AGBL4: variants seen among roughly 807,000 people sequenced by gnomAD.
AGBL4 encodes the protein cytosolic carboxypeptidase 6.
Under a neutral mutation model 66.4 loss-of-function variants are expected in AGBL4, and 58 were observed. The observed-to-expected ratio is 0.87, with a 90% CI of 0.71 to 1.09. The LOEUF (loss-of-function observed/expected upper bound fraction) is 1.09. Ranked by LOEUF, AGBL4 falls within the 50% of genes least tolerant of loss-of-function variation. The probability of loss-of-function intolerance (pLI) is 0.00; values close to 1 mark genes in which losing one functional copy is unlikely to be tolerated. For missense variants in AGBL4, 579 were observed against 631.0 expected, an observed-to-expected ratio of 0.92 and a Z score of 0.88; for synonymous variants, 234 against 222.9, an observed-to-expected ratio of 1.05 and a Z score of -0.44.
At chr1:49,631,460 T>C (rs749505018) in intron 3 of AGBL4, among the ~76,000 whole-genome samples, 3 of 152,134 alleles carry the variant, frequency 2.0e-5, no homozygotes, top group African/African-American at 4.8e-5. Context: ...CTTGTAGACA[T>C]GTTTTTCTCC....
chr1:49,220,729 A>G (rs1325176623), intron 4 of AGBL4, among the ~76,000 whole-genome samples: 2 of 152,054 alleles, frequency 1.3e-5, no homozygotes, highest in African/African-American at 2.4e-5. Context: ...CCACAAAGAT[A>G]TAGGTTTGCA....
intron 6 of AGBL4, among the ~76,000 whole-genome samples, chr1:48,722,654 A>G (rs1647170709): frequency 6.6e-6 from 1 of 152,226 alleles, no homozygotes; most frequent in African/African-American, 2.4e-5. Flanking sequence ...AAAAGAGAGA[A>G]TAGAGGACTG....
chr1:49,034,206 G>A (rs1012609591), intron 5 of AGBL4, among the ~76,000 whole-genome samples: 1 of 152,070 alleles, frequency 6.6e-6, no homozygotes, highest in African/African-American at 2.4e-5. Context: ...TGGACAAGAT[G>A]GAGAAATGGG....
chr1:49,230,091 C>T (rs980311539), intron 4 of AGBL4, among the ~76,000 whole-genome samples: 24 of 152,178 alleles, frequency 1.6e-4, no homozygotes, highest in Non-Finnish European at 2.9e-5. Flanking sequence ...CTATTTCAGT[C>T]CAGGACTGAA....
intron 6 of AGBL4, among the ~76,000 whole-genome samples, chr1:48,703,511 T>C (rs772948746): frequency 6.6e-6 from 1 of 151,996 alleles, no homozygotes; most frequent in East Asian, 1.9e-4. Context: ...GGGTATAAAA[T>C]AAAAAAGAAA....
intron 9 of AGBL4, among the ~76,000 whole-genome samples, chr1:48,623,288 T>G (rs1476520991): frequency 6.6e-6 from 1 of 152,212 alleles, no homozygotes. Context: ...CTAGAAAGAC[T>G]TGCTGAGTGG....
At chr1:48,834,380 G>T (rs972076920) in intron 6 of AGBL4, among the ~76,000 whole-genome samples, 3 of 152,060 alleles carry the variant, frequency 2.0e-5, no homozygotes, top group Non-Finnish European at 4.4e-5. Flanking sequence ...GTGAATATTG[G>T]GGGGCCAGGG....
rs370424664 is a variant in AGBL4 at position 49,056,146 on chromosome 1, C to T, written c.378-10346G>A. Reference sequence around the variant, plus strand: ...TGAGTTAACTTTAACTCTCTTTCACCCTTCAATAAATACTGCCTGTTTTAT... The same window carrying T: ...TGAGTTAACTTTAACTCTCTTTCACTCTTCAATAAATACTGCCTGTTTTAT... On this transcript the variant is annotated intron_variant, in intron 4 of 13. Transcript: ENST00000371839. Among the ~76,000 whole-genome samples the T allele has an allele frequency of 3.9e-5, 6 of 152,076 alleles. No individual in the cohort carries two copies. In the East Asian group the frequency reaches 7.7e-4, roughly 20 times the overall value.
At chr1:49,377,877 A>G (rs186945804) in intron 3 of AGBL4, among the ~76,000 whole-genome samples, 45 of 152,230 alleles carry the variant, frequency 3.0e-4, no homozygotes, top group African/African-American at 1.1e-3. Flanking sequence ...TGATCACTCT[A>G]CAAACACCCT....
chr1:49,553,700 A>C (rs767600820), intron 3 of AGBL4, among the ~76,000 whole-genome samples: 14 of 152,168 alleles, frequency 9.2e-5, no homozygotes, highest in Non-Finnish European at 1.5e-4. Context: ...AGAATAGTAT[A>C]CTCTGTACTA....
At chr1:49,173,302 G>T (rs1646772277) in intron 4 of AGBL4, among the ~76,000 whole-genome samples, 2 of 152,178 alleles carry the variant, frequency 1.3e-5, no homozygotes, top group Non-Finnish European at 2.9e-5. Flanking sequence ...GTGTGAAATA[G>T]ATACTCATGC....
intron 5 of AGBL4, among the ~76,000 whole-genome samples, chr1:48,875,695 A>G (rs1649152276): frequency 6.6e-6 from 1 of 152,208 alleles, no homozygotes; most frequent in Admixed American, 6.5e-5. Flanking sequence ...AGAGGAGCAT[A>G]TAAAACTGCA....
At position 48,897,930 on chromosome 1, in the gene AGBL4, C is replaced by T. The variant is rs892893398; in HGVS notation, c.595-30700G>A. On this transcript the variant is annotated intron_variant, in intron 5 of 13. Coordinates refer to ENST00000371839, the MANE Select transcript of AGBL4 (RefSeq NM_032785.4). ...GTTCAAGCGATTCTCCTGCCTCAGC[C>T]TCCCGACTAGCTGGGACTACAGGCA... Among the ~76,000 whole-genome samples the T allele has an allele frequency of 7.2e-5, 11 of 151,940 alleles. No individual in the cohort carries two copies. The East Asian group carries it at 2.1e-3, about 29-fold the overall frequency.
At chr1:49,000,891 T>C (rs1661349425) in intron 5 of AGBL4, among the ~76,000 whole-genome samples, 1 of 152,124 alleles carries the variant, frequency 6.6e-6, no homozygotes, top group African/African-American at 2.4e-5. Context: ...GCACAATTGG[T>C]TTTTCAGGCT....
chr1:49,631,718 C>A (rs2124359302), intron 3 of AGBL4, among the ~76,000 whole-genome samples: 1 of 152,240 alleles, frequency 6.6e-6, no homozygotes, highest in Middle Eastern at 3.4e-3. Context: ...GCAGGGATGA[C>A]CTTCAGACCA....
intron 5 of AGBL4, among the ~76,000 whole-genome samples, chr1:48,876,754 G>A (rs546014505): frequency 6.6e-6 from 1 of 152,130 alleles, no homozygotes; most frequent in Non-Finnish European, 1.5e-5. Flanking sequence ...CCTGTTCCCT[G>A]ATAGGGCTTT....
chr1:48,957,478 C>A (rs1360474757), intron 5 of AGBL4, among the ~76,000 whole-genome samples: 1 of 152,148 alleles, frequency 6.6e-6, no homozygotes, highest in East Asian at 1.9e-4. Context: ...GAATGGGTGG[C>A]TAGTAAGATT....
At chr1:49,049,303 AT>A (rs1273077169) in intron 4 of AGBL4, among the ~76,000 whole-genome samples, 2 of 152,160 alleles carry the variant, frequency 1.3e-5, no homozygotes, top group Non-Finnish European at 2.9e-5. Flanking sequence ...TATTTCTTAA[AT>A]GAACAAATCA....
At chr1:48,877,911 A>G (rs955429083) in intron 5 of AGBL4, among the ~76,000 whole-genome samples, 2 of 152,134 alleles carry the variant, frequency 1.3e-5, no homozygotes, top group Non-Finnish European at 2.9e-5. Flanking sequence ...TTACACATTC[A>G]CCAGCACTAA....
Sources: allele counts gnomAD v4.1 joint callset (sites outside exome capture counted in the v4.1 genomes callset), GRCh38; gene constraint gnomAD v4.1.1; transcripts MANE v1.5; gene names NCBI Gene and HGNC (gene_info 2026-07-23, HGNC 2026-07-21).